Variants in SPATA18 observed in about 807,000 individuals in gnomAD.
The protein encoded by SPATA18 is mitochondria-eating protein.
SPATA18 carries 54 observed loss-of-function variants against 68.1 expected under a neutral mutation model. The observed-to-expected ratio is 0.79, with a 90% CI of 0.64 to 0.99. The LOEUF is 0.99. Ranked by LOEUF, SPATA18 falls within the 50% of genes least tolerant of loss-of-function variation. The pLI is 0.00. For missense variants in SPATA18, 724 were observed against 681.1 expected (o/e 1.06, Z -0.70); for synonymous variants, 242 against 244.8 (o/e 0.99, Z 0.11).
chr4:52,084,767 C>T (rs781281915), intron 10 of SPATA18, 149 bp from the exon 11 acceptor site: 16 of 662,696 alleles, frequency 2.4e-5, no homozygotes, highest in African/African-American at 3.6e-5. Context: ...AGGAGGTGAA[C>T]GGAGTGTGGC....
chr4:52,062,153 A>G, intron 3 of SPATA18, 67 bp from the exon 4 acceptor site: 1 of 1,035,654 alleles, frequency 9.7e-7, no homozygotes, highest in Non-Finnish European at 1.4e-6. Flanking sequence ...TGTTTTTTAA[A>G]AATTCATCCA....
intron 11 of SPATA18, among the ~76,000 whole-genome samples, chr4:52,090,104 C>G (rs1741804526): frequency 6.6e-6 from 1 of 152,034 alleles, no homozygotes; most frequent in Admixed American, 6.6e-5. Flanking sequence ...GATTGCAACC[C>G]CTGCTTTTTT....
chr4:52,092,124 G>T (rs1470706718), intron 11 of SPATA18, among the ~76,000 whole-genome samples: 1 of 152,196 alleles, frequency 6.6e-6, no homozygotes, highest in Non-Finnish European at 1.5e-5. Context: ...CAAGCCAGTG[G>T]ATCTTAGTTT....
intron 1 of SPATA18, among the ~76,000 whole-genome samples, chr4:52,054,412 G>T (rs1219185875): frequency 6.6e-6 from 1 of 152,200 alleles, no homozygotes; most frequent in Admixed American, 6.5e-5. Context: ...GCAGGCCCCT[G>T]CTGAAACCAG....
At chr4:52,077,939 G>A (rs1312440170) in intron 7 of SPATA18, among the ~76,000 whole-genome samples, 1 of 152,154 alleles carries the variant, frequency 6.6e-6, no homozygotes, top group African/African-American at 2.4e-5. Context: ...ATTGGTATGA[G>A]AGCAGAATTA....
intron 5 of SPATA18, among the ~76,000 whole-genome samples, chr4:52,071,159 C>G (rs1167702643): frequency 6.6e-6 from 1 of 152,186 alleles, no homozygotes. Context: ...TCTATTATAT[C>G]TTTAGCTTCT....
intron 11 of SPATA18, among the ~76,000 whole-genome samples, chr4:52,090,997 C>A (rs892371627): frequency 1.3e-5 from 2 of 151,722 alleles, no homozygotes; most frequent in South Asian, 2.1e-4. Flanking sequence ...CCTTTTTATT[C>A]TTTTTTCTCT....
At position 52,078,758 on chromosome 4, in the gene SPATA18, G is replaced by A. The variant is rs757922815; in HGVS notation, c.1044G>A (p.Met348Ile). 1.3e-6 allele frequency: 2 copies of A among 1,583,884 alleles called. No individual in the cohort carries two copies. Among genetic ancestry groups the A allele is most frequent in the Non-Finnish European group, 1.7e-6 (2 of 1,156,330 alleles). The change falls in exon 8 of 13, where the codon ATG becomes ATA. Residue 348 changes from methionine (M) to isoleucine (I), a missense_variant. Physicochemically the swap from Met to Ile is conservative, Grantham distance 10. Coordinates refer to ENST00000295213, the MANE Select transcript of SPATA18 (RefSeq NM_145263.4). ...ATVEAFHVAK[M>I]AFRHFKIHVR... The stretch of plus-strand genomic sequence containing the variant: ...AGGAGGCATTCCATGTAGCAAAAAT[G>A]GCATTCAGACACTTCAAGATCCATG...
chr4:52,067,262 C>T (rs535399885), intron 4 of SPATA18, among the ~76,000 whole-genome samples: 4 of 152,268 alleles, frequency 2.6e-5, no homozygotes, highest in African/African-American at 9.6e-5. Context: ...TGATGTTGAA[C>T]TTGTTTTTAT....
At chr4:52,092,460 G>A (rs1183337531) in intron 11 of SPATA18, among the ~76,000 whole-genome samples, 1 of 152,184 alleles carries the variant, frequency 6.6e-6, no homozygotes. Context: ...TGGGTAGGGG[G>A]GAACATTCTC....
Position 52,089,736 on chromosome 4 carries a change from G to A in SPATA18, c.1563+4737G>A, listed in dbSNP as rs1312258718. Among the ~76,000 whole-genome samples, 8 of 152,144 alleles carry A rather than the reference G, an allele frequency of 5.3e-5. No homozygotes were observed. In the East Asian group the frequency reaches 9.6e-4, roughly 18 times the overall value. Reference sequence around the variant, plus strand: ...TCAATTTTAGAATAAGTGCTATCTGGTGCCGAGAAGAATGTATATTCTGTT... The same window carrying A: ...TCAATTTTAGAATAAGTGCTATCTGATGCCGAGAAGAATGTATATTCTGTT... On this transcript the variant is annotated intron_variant, in intron 11 of 12. Transcript: ENST00000295213.
rs188534177 is a variant in SPATA18, at chr4:52,087,815, T to C, written c.1563+2816T>C. Reference sequence around the variant, plus strand: ...TTTCCAATTCTGTGAAGAAAGTCAGTGGTAGCTTGATGGAGATAGCATTGA... The same window carrying C: ...TTTCCAATTCTGTGAAGAAAGTCAGCGGTAGCTTGATGGAGATAGCATTGA... On this transcript the variant is annotated intron_variant, in intron 11 of 12. Coordinates refer to ENST00000295213, the MANE Select transcript of SPATA18 (RefSeq NM_145263.4). Among the ~76,000 whole-genome samples, 16 of 152,246 alleles carry C rather than the reference T, an allele frequency of 1.1e-4. No individual in the cohort carries two copies. The East Asian group carries it at 3.1e-3, about 29-fold the overall frequency.
chr4:52,077,571 C>G (rs1740504297), intron 7 of SPATA18, among the ~76,000 whole-genome samples: 1 of 151,728 alleles, frequency 6.6e-6, no homozygotes, highest in Non-Finnish European at 1.5e-5. Flanking sequence ...AAGAAGTATC[C>G]GTAAACGCAG....
chr4:52,072,098 C>T lies in SPATA18; in HGVS notation c.700C>T (p.Arg234Ter), dbSNP rs754305751. Residue 234 changes from arginine to a stop codon, truncating the protein, a stop_gained, in exon 6 of 13, where the codon CGA becomes TGA. Transcript: ENST00000295213. LOFTEE classifies it high-confidence loss of function. ...CATGTCCGATTATAAGAAACAGCTC[C>T]GAAACCTGAAGGAGGAGATAGCTGT... ...EAMSDYKKQL[R>*]NLKEEIAVLS... 1.2e-5 allele frequency: 19 copies of T among 1,613,918 alleles called. No homozygotes were observed. The highest frequency in any genetic ancestry group is 1.0e-4 in the Admixed American group (6 of 59,992).
rs1283936482 is a variant in SPATA18, at chr4:52,062,482, A to G, written c.422+150A>G. The G allele has an allele frequency of 5.0e-6, 3 of 605,760 alleles. No homozygotes were observed. In the East Asian group the frequency reaches 8.4e-5, roughly 17 times the overall value. The allele number at this position is 605,760 out of a possible 1,614,324, so 37.5% of individuals were successfully genotyped here. The stretch of plus-strand genomic sequence containing the variant: ...TGTGTGTGTCTGTGGGCATGTGTGT[A>G]TGACAGAGAGAGAGGGAGAGAGAGA... On this transcript the variant is annotated intron_variant, in intron 4 of 12. Coordinates refer to ENST00000295213, the MANE Select transcript of SPATA18 (RefSeq NM_145263.4).
chr4:52,083,072 G>A (rs1578192800), intron 10 of SPATA18: 2 of 955,172 alleles, frequency 2.1e-6, no homozygotes, highest in African/African-American at 1.9e-5. Flanking sequence ...CCTACAGAAT[G>A]TTAAATACTT....
chr4:52,062,128 T>C, intron 3 of SPATA18, 92 bp from the exon 4 acceptor site: 1 of 734,594 alleles, frequency 1.4e-6, no homozygotes. Context: ...ATAATTGTGC[T>C]CTTTTGAGTT....
chr4:52,074,888 G>T (rs553428529), intron 6 of SPATA18, among the ~76,000 whole-genome samples: 1 of 152,106 alleles, frequency 6.6e-6, no homozygotes, highest in Non-Finnish European at 1.5e-5. Flanking sequence ...TTGCTCAGCC[G>T]CAATTAGATT....
intron 10 of SPATA18, chr4:52,082,963 G>A: frequency 1.0e-6 from 1 of 985,350 alleles, no homozygotes; most frequent in Non-Finnish European, 1.2e-6. Context: ...TGTATGGAGG[G>A]GAGGGATGGA....
Sources: gnomAD v4.1 joint callset for allele counts (sites outside exome capture counted in the v4.1 genomes callset) on GRCh38, gnomAD v4.1.1 for gene constraint, MANE v1.5 for transcripts, NCBI Gene and HGNC (gene_info 2026-07-23, HGNC 2026-07-21) for gene names.